DAB1: variants seen among roughly 807,000 people sequenced by gnomAD.
The protein encoded by DAB1 is DAB adaptor protein 1.
DAB1 carries 15 observed loss-of-function variants against 64.6 expected under a neutral mutation model. The ratio of observed to expected loss-of-function variants is 0.23; its 90% confidence interval spans 0.16 to 0.36. DAB1 has a LOEUF of 0.36. Ranked by LOEUF, DAB1 falls within the 10% of genes least tolerant of loss-of-function variation. The probability of loss-of-function intolerance (pLI) is 1.00; values close to 1 mark genes in which losing one functional copy is unlikely to be tolerated. For synonymous variants in DAB1, 235 were observed against 251.9 expected, an observed-to-expected ratio of 0.93 and a Z score of 0.64; for missense variants, 596 against 706.7, an observed-to-expected ratio of 0.84 and a Z score of 1.78.
At chr1:57,873,428 G>A (rs1446767071) in intron 1 of DAB1, among the ~76,000 whole-genome samples, 1 of 152,102 alleles carries the variant, frequency 6.6e-6, no homozygotes, top group Non-Finnish European at 1.5e-5. Context: ...GAATGAATAA[G>A]CTATAATCAC....
chr1:57,079,736 T>C lies in DAB1; in HGVS notation c.307-7322A>G, dbSNP rs143724068. Among the ~76,000 whole-genome samples, 508 of 152,302 alleles carry C rather than the reference T, an allele frequency of 3.3e-3. 2 individuals carry two copies. Among genetic ancestry groups the C allele is most frequent in the Non-Finnish European group, 4.5e-3 (305 of 68,030 alleles). On this transcript the variant is annotated intron_variant, in intron 4 of 14. Coordinates refer to ENST00000371236, the MANE Select transcript of DAB1 (RefSeq NM_001365792.1). The stretch of plus-strand genomic sequence containing the variant: ...AATGCACCACGCTCAGGTTTTTGCA[T>C]ATGCTGTTCCAGTTGCCTAGAAAGC...
intron 4 of DAB1, among the ~76,000 whole-genome samples, chr1:58,247,571 A>G (rs1557713046): frequency 6.6e-6 from 1 of 152,188 alleles, no homozygotes; most frequent in Non-Finnish European, 1.5e-5. Context: ...TATTTCACAA[A>G]TAATTGTCTT....
chr1:57,959,777 C>T (rs988414598), intron 5 of DAB1, among the ~76,000 whole-genome samples: 2 of 152,166 alleles, frequency 1.3e-5, no homozygotes, highest in African/African-American at 4.8e-5. Flanking sequence ...GGATCGGTTT[C>T]CTAAATGCCT....
intron 3 of DAB1, among the ~76,000 whole-genome samples, chr1:58,432,684 G>A (rs138810050): frequency 0.01 from 1,576 of 152,228 alleles, 35 homozygotes; most frequent in African/African-American, 0.036. Flanking sequence ...GGACCACCTC[G>A]CTCTCTCCCA....
chr1:57,242,196 T>C (rs1267892317), intron 2 of DAB1, among the ~76,000 whole-genome samples: 1 of 152,216 alleles, frequency 6.6e-6, no homozygotes, highest in African/African-American at 2.4e-5. Context: ...TCCAAGGTCC[T>C]AGAATAATCT....
chr1:58,212,888 T>G (rs189958296), intron 4 of DAB1, among the ~76,000 whole-genome samples: 49 of 152,174 alleles, frequency 3.2e-4, no homozygotes, highest in Admixed American at 1.6e-3. Flanking sequence ...ACAGAGCTGG[T>G]GGAGGGGGTG....
At chr1:57,361,914 G>A (rs1444067302) in intron 1 of DAB1, among the ~76,000 whole-genome samples, 1 of 152,138 alleles carries the variant, frequency 6.6e-6, no homozygotes, top group Non-Finnish European at 1.5e-5. Flanking sequence ...ACAATCAGAA[G>A]AGTATCATTA....
chr1:58,194,447 T>G (rs561669213), intron 4 of DAB1, among the ~76,000 whole-genome samples: 1 of 152,380 alleles, frequency 6.6e-6, no homozygotes, highest in African/African-American at 2.4e-5. Context: ...CATAAAAATA[T>G]CTTGTCCTCA....
chr1:57,409,948 T>A (rs1023042833), intron 1 of DAB1, among the ~76,000 whole-genome samples: 1 of 152,180 alleles, frequency 6.6e-6, no homozygotes, highest in East Asian at 1.9e-4. Context: ...TCTCAAAAAC[T>A]TCCTCCCCCA....
At chr1:58,463,222 C>G (rs907956755) in intron 3 of DAB1, among the ~76,000 whole-genome samples, 5 of 152,172 alleles carry the variant, frequency 3.3e-5, no homozygotes, top group Non-Finnish European at 7.3e-5. Context: ...TTACGTTGAG[C>G]CTTAGTGCCT....
At chr1:58,479,386 T>C (rs1645450562) in intron 3 of DAB1, among the ~76,000 whole-genome samples, 1 of 152,190 alleles carries the variant, frequency 6.6e-6, no homozygotes, top group Non-Finnish European at 1.5e-5. Flanking sequence ...TTACAAGTAA[T>C]GTATAATAAT....
chr1:57,261,049 T>A (rs914568040), intron 2 of DAB1, among the ~76,000 whole-genome samples: 10 of 152,246 alleles, frequency 6.6e-5, no homozygotes, highest in South Asian at 6.2e-4. Flanking sequence ...TATAAGGGGC[T>A]TAAATCAGTA....
intron 6 of DAB1, among the ~76,000 whole-genome samples, chr1:57,663,720 G>A (rs976244362): frequency 2.6e-5 from 4 of 151,622 alleles, no homozygotes; most frequent in Admixed American, 6.6e-5. Context: ...TCACCACTGG[G>A]GTTAATTTAT....
intron 5 of DAB1, among the ~76,000 whole-genome samples, chr1:58,140,816 AATAG>A (rs1353471327): frequency 3.9e-5 from 6 of 152,360 alleles, no homozygotes; most frequent in African/African-American, 1.4e-4. Flanking sequence ...TAAATAAGTA[AATAG>A]ATAGTTCCAA....
chr1:57,526,402 G>A (rs1284256148), intron 7 of DAB1, among the ~76,000 whole-genome samples: 2 of 152,202 alleles, frequency 1.3e-5, no homozygotes, highest in Non-Finnish European at 2.9e-5. Flanking sequence ...TGAGAGGGCT[G>A]TATGGAAGCA....
intron 5 of DAB1, among the ~76,000 whole-genome samples, chr1:58,147,511 G>A (rs1272351205): frequency 1.3e-5 from 2 of 150,832 alleles, no homozygotes; most frequent in African/African-American, 2.4e-5. Context: ...CCAGCTACTC[G>A]AGGCTGAGGC....
chr1:58,177,877 G>C (rs868661362), intron 4 of DAB1, among the ~76,000 whole-genome samples: 1 of 152,140 alleles, frequency 6.6e-6, no homozygotes, highest in Non-Finnish European at 1.5e-5. Flanking sequence ...CATCAGAACT[G>C]TTATAAGTCA....
chr1:57,939,821 T>G (rs943051795), intron 5 of DAB1, among the ~76,000 whole-genome samples: 3 of 152,210 alleles, frequency 2.0e-5, no homozygotes, highest in Admixed American at 2.0e-4. Flanking sequence ...TGAGGCCAGC[T>G]TTCCCACTGA....
At chr1:57,230,590 C>T (rs769819940) in intron 2 of DAB1, among the ~76,000 whole-genome samples, 7 of 151,984 alleles carry the variant, frequency 4.6e-5, no homozygotes, top group Non-Finnish European at 8.8e-5. Context: ...AGACAAACCA[C>T]GGTTCATGTC....
Sources: allele counts gnomAD v4.1 joint callset (sites outside exome capture counted in the v4.1 genomes callset), GRCh38; gene constraint gnomAD v4.1.1; transcripts MANE v1.5; gene names NCBI Gene and HGNC (gene_info 2026-07-23, HGNC 2026-07-21).